Variants in CDH12 observed in about 807,000 individuals in gnomAD.
CDH12 encodes the protein cadherin-12.
In CDH12, 41 loss-of-function variants were observed where a neutral mutation model predicts 74.1. The ratio of observed to expected loss-of-function variants is 0.55; its 90% CI spans 0.43 to 0.72. CDH12 has a LOEUF of 0.72. CDH12 is among the 30% of genes least tolerant of loss of function. The pLI is 0.00. For synonymous variants in CDH12, 399 were observed against 355.0 expected, an observed-to-expected ratio of 1.12 and a Z score of -1.39; for missense variants, 945 against 977.2, an observed-to-expected ratio of 0.97 and a Z score of 0.44.
At chr5:22,325,236 T>G (rs184900728) in intron 3 of CDH12, among the ~76,000 whole-genome samples, 3 of 152,294 alleles carry the variant, frequency 2.0e-5, no homozygotes, top group Admixed American at 6.5e-5. Context: ...CAAGCTTCCT[T>G]TGATTACACT....
At chr5:22,713,725 G>A (rs1580917058) in intron 1 of CDH12, among the ~76,000 whole-genome samples, 1 of 152,228 alleles carries the variant, frequency 6.6e-6, no homozygotes, top group South Asian at 2.1e-4. Context: ...GTATGTGTGT[G>A]TGTGCCTGTG....
At chr5:22,820,281 C>T (rs10472487) in intron 1 of CDH12, among the ~76,000 whole-genome samples, 111,524 of 151,690 alleles carry the variant, frequency 0.74, 41,110 homozygotes, top group Admixed American at 0.77. Flanking sequence ...TGATAAACAA[C>T]ACCGATATGG....
At chr5:22,703,464 CT>C (rs1273549112) in intron 1 of CDH12, among the ~76,000 whole-genome samples, 1 of 152,064 alleles carries the variant, frequency 6.6e-6, no homozygotes, top group African/African-American at 2.4e-5. Flanking sequence ...TTAATATCAA[CT>C]TTTTTAAAAC....
chr5:22,754,228 A>G (rs1043887162), intron 1 of CDH12, among the ~76,000 whole-genome samples: 1 of 152,238 alleles, frequency 6.6e-6, no homozygotes, highest in Non-Finnish European at 1.5e-5. Context: ...TTTGACTACA[A>G]AAGTCATTAT....
chr5:22,849,892 A>G (rs114347391), intron 1 of CDH12, among the ~76,000 whole-genome samples: 140 of 152,240 alleles, frequency 9.2e-4, no homozygotes, highest in African/African-American at 3.2e-3. Flanking sequence ...AGCATAATGA[A>G]GATTTAATTT....
chr5:21,846,455 C>A lies in CDH12; in HGVS notation c.647-4127G>T, dbSNP rs1750174460. Among the ~76,000 whole-genome samples, 2 of 152,100 alleles carry A rather than the reference C, an allele frequency of 1.3e-5. 1 individual carries two copies. The highest frequency in any genetic ancestry group is 4.1e-4 in the South Asian group (2 of 4,830). On this transcript the variant is annotated intron_variant, in intron 7 of 14. Transcript: ENST00000382254. ...ATTATCCCAGACAATGACGCCACTT[C>A]AAGAGTATGTCTGTTTTTCTGTTTC...
At chr5:22,718,776 T>C (rs1743719665) in intron 1 of CDH12, among the ~76,000 whole-genome samples, 2 of 152,102 alleles carry the variant, frequency 1.3e-5, no homozygotes, top group Admixed American at 6.6e-5. Context: ...CTGAAGACAC[T>C]AAAACCTCCA....
chr5:22,471,448 C>T (rs1420846237), intron 2 of CDH12, among the ~76,000 whole-genome samples: 1 of 152,118 alleles, frequency 6.6e-6, no homozygotes, highest in Non-Finnish European at 1.5e-5. Flanking sequence ...TTTCTACTGA[C>T]TCATTATTGT....
intron 4 of CDH12, among the ~76,000 whole-genome samples, chr5:22,112,580 T>C (rs549658190): frequency 1.3e-5 from 2 of 152,290 alleles, no homozygotes; most frequent in East Asian, 3.9e-4. Flanking sequence ...AATTTCATAG[T>C]CTGTCATGGT....
At chr5:22,606,945 G>A (rs572650988) in intron 1 of CDH12, among the ~76,000 whole-genome samples, 13 of 152,258 alleles carry the variant, frequency 8.5e-5, no homozygotes, top group African/African-American at 2.9e-4. Context: ...GGTCTCAGAT[G>A]GAGATTAGGA....
At chr5:22,753,028 T>C (rs576853954) in intron 1 of CDH12, among the ~76,000 whole-genome samples, 75 of 152,172 alleles carry the variant, frequency 4.9e-4, no homozygotes, top group Middle Eastern at 3.4e-3. Flanking sequence ...GCAGCTTCAA[T>C]GCGAATGACC....
chr5:22,099,523 A>G (rs1744010611), intron 4 of CDH12, among the ~76,000 whole-genome samples: 1 of 152,172 alleles, frequency 6.6e-6, no homozygotes, highest in Non-Finnish European at 1.5e-5. Flanking sequence ...ATTAGGCCCC[A>G]GTCTCATTCC....
intron 2 of CDH12, among the ~76,000 whole-genome samples, chr5:22,496,399 G>A (rs971542794): frequency 4.6e-5 from 7 of 152,130 alleles, no homozygotes; most frequent in African/African-American, 1.4e-4. Flanking sequence ...AATGTAGATG[G>A]ATTTTGATCT....
intron 1 of CDH12, among the ~76,000 whole-genome samples, chr5:22,693,720 C>T (rs910066011): frequency 6.6e-6 from 1 of 151,258 alleles, no homozygotes; most frequent in Non-Finnish European, 1.5e-5. Flanking sequence ...TCATATTCTT[C>T]ATGCTCTATA....
At chr5:22,298,777 A>G (rs531179904) in intron 3 of CDH12, among the ~76,000 whole-genome samples, 2 of 152,312 alleles carry the variant, frequency 1.3e-5, no homozygotes, top group South Asian at 2.1e-4. Flanking sequence ...AATAATATCA[A>G]TAAGTCTTTA....
chr5:22,307,272 T>C (rs1004401507), intron 3 of CDH12, among the ~76,000 whole-genome samples: 2 of 152,164 alleles, frequency 1.3e-5, no homozygotes, highest in African/African-American at 4.8e-5. Flanking sequence ...GAGAGTAAAA[T>C]CTTCAGTCAA....
At chr5:22,851,648 T>TG (rs1737561944) in intron 1 of CDH12, among the ~76,000 whole-genome samples, 1 of 152,174 alleles carries the variant, frequency 6.6e-6, no homozygotes, top group African/African-American at 2.4e-5. Context: ...GGGAAGCCCC[T>TG]GTTTTGCATG....
chr5:22,513,749 C>G (rs754688749), intron 1 of CDH12, among the ~76,000 whole-genome samples: 4 of 151,778 alleles, frequency 2.6e-5, no homozygotes, highest in Non-Finnish European at 4.4e-5. Context: ...AGTTTGAGAC[C>G]AGTCTAGCCA....
intron 1 of CDH12, among the ~76,000 whole-genome samples, chr5:22,816,892 G>T (rs1749421790): frequency 6.6e-6 from 1 of 152,090 alleles, no homozygotes. Flanking sequence ...CACATACATA[G>T]GAAAGAAGTA....
Sources: gnomAD v4.1 joint callset for allele counts (sites outside exome capture counted in the v4.1 genomes callset) on GRCh38, gnomAD v4.1.1 for gene constraint, MANE v1.5 for transcripts, NCBI Gene and HGNC (gene_info 2026-07-23, HGNC 2026-07-21) for gene names.